The following SAR1B variants were observed in gnomAD, a reference collection of about 807,000 sequenced individuals.
The protein encoded by SAR1B is small COPII coat GTPase SAR1B.
In SAR1B, 23 loss-of-function variants were observed where a neutral mutation model predicts 26.8. The observed-to-expected ratio is 0.86, with a 90% CI of 0.62 to 1.22. SAR1B has a LOEUF of 1.22. Ranked by LOEUF, SAR1B falls within the 50% of genes most tolerant of loss-of-function variation. The pLI is 0.00. For synonymous variants in SAR1B, 65 were observed against 80.8 expected (o/e 0.80, Z 1.05); for missense variants, 196 against 232.8 (o/e 0.84, Z 1.03).
rs543209642 is a variant in SAR1B at position 134,622,169 on chromosome 5, A to T, written c.59-1117T>A. On this transcript the variant is annotated intron_variant, in intron 2 of 6. Coordinates refer to ENST00000402673, the MANE Select transcript of SAR1B (RefSeq NM_016103.4). Reference sequence around the variant, plus strand: ...TTTTTGAATAGATTCATACTAAAATAACACTTACTCCTTTGTCCATGCTTA... The same window carrying T: ...TTTTTGAATAGATTCATACTAAAATTACACTTACTCCTTTGTCCATGCTTA... Among the ~76,000 whole-genome samples, 19 of 152,326 alleles carry T rather than the reference A, an allele frequency of 1.2e-4. No homozygotes were observed. In the South Asian group the frequency reaches 3.3e-3, roughly 27 times the overall value.
intron 3 of SAR1B, among the ~76,000 whole-genome samples, chr5:134,615,068 G>GC (rs1468875551): frequency 6.6e-6 from 1 of 152,222 alleles, no homozygotes; most frequent in African/African-American, 2.4e-5. Context: ...AATTCTGGGG[G>GC]CCGGGCGCGG....
At chr5:134,630,095 T>G (rs543478919) in intron 1 of SAR1B, among the ~76,000 whole-genome samples, 163 of 150,606 alleles carry the variant, frequency 1.1e-3, no homozygotes, top group African/African-American at 3.8e-3. Context: ...AAACCCCGAG[T>G]TGGGATGAGT....
rs1397443364 is a variant in SAR1B, at chr5:134,603,983, C to G, written c.*2967G>C. On this transcript the variant is annotated 3_prime_UTR_variant, in exon 7 of 7. Coordinates refer to ENST00000402673, the MANE Select transcript of SAR1B (RefSeq NM_016103.4). ...TCTGTGTTCATATATCTTTGGCACT[C>G]ATACAAAGATACTGGTTTAAACCAA... 1.3e-5 allele frequency: 2 copies of G among 152,190 alleles called. No individual in the cohort carries two copies. Among genetic ancestry groups the G allele is most frequent in the Non-Finnish European group, 2.9e-5 (2 of 68,044 alleles). The allele number at this position is 152,190 out of a possible 1,614,324, so 9.4% of individuals were successfully genotyped here. A position where few individuals can be genotyped will look rare whatever the true frequency, so the allele number is the denominator to read the frequency against.
intron 3 of SAR1B, among the ~76,000 whole-genome samples, chr5:134,615,347 CAAA>C (rs1169325540): frequency 2.3e-5 from 2 of 87,740 alleles, no homozygotes; most frequent in Non-Finnish European, 2.4e-5. Flanking sequence ...GACTCCATCT[CAAA>C]AAAAAAAAAA....
At chr5:134,609,814 C>T (rs544607248) in intron 4 of SAR1B, 140 bp from the exon 5 acceptor site, 8 of 713,496 alleles carry the variant, frequency 1.1e-5, no homozygotes, top group East Asian at 5.4e-5. Flanking sequence ...TAATCTTTTA[C>T]CCAGTGGTGC....
At chr5:134,615,729 A>C (rs1003628476) in intron 3 of SAR1B, among the ~76,000 whole-genome samples, 23 of 151,680 alleles carry the variant, frequency 1.5e-4, no homozygotes, top group Non-Finnish European at 2.9e-4. Context: ...AGGCAGGAGA[A>C]TGGCATGAAC....
intron 1 of SAR1B, chr5:134,625,914 C>G (rs558143933): frequency 9.1e-4 from 138 of 152,174 alleles, no homozygotes; most frequent in African/African-American, 3.2e-3. Context: ...AGGATGGTAC[C>G]AATTTGCTGT....
Position 134,621,067 on chromosome 5 carries a change from C to T in SAR1B, c.59-15G>A, listed in dbSNP as rs756737920. The T allele has an allele frequency of 6.2e-7, 1 of 1,612,290 alleles. No homozygotes were observed. Among genetic ancestry groups the T allele is most frequent in the South Asian group, 1.1e-5 (1 of 91,042 alleles). ...CTTATATAATCCTGCAAAGCAAGAG[C>T]TATGATTGGTCAAAGTGATATCTGA... On this transcript the variant is annotated splice_polypyrimidine_tract_variant and intron_variant, in intron 2 of 6. Coordinates refer to ENST00000402673, the MANE Select transcript of SAR1B (RefSeq NM_016103.4).
At chr5:134,624,068 AACATTAAACACCAATAT>A in intron 1 of SAR1B, 31 bp from the exon 2 acceptor site, 2 of 1,189,912 alleles carry the variant, frequency 1.7e-6, no homozygotes, top group Non-Finnish European at 2.5e-6. Flanking sequence ...TTTAGTAGTC[AACATTAAACACCAATAT>A]ACATTAAACT....
At chr5:134,618,968 AG>A (rs1346245478) in intron 3 of SAR1B, among the ~76,000 whole-genome samples, 1 of 151,534 alleles carries the variant, frequency 6.6e-6, no homozygotes, top group Non-Finnish European at 1.5e-5. Flanking sequence ...ACTGCACTTC[AG>A]CCTAGGCAAC....
intron 3 of SAR1B, among the ~76,000 whole-genome samples, chr5:134,619,974 C>T (rs1765378079): frequency 6.6e-6 from 1 of 152,004 alleles, no homozygotes; most frequent in Admixed American, 6.6e-5. Flanking sequence ...GAGCAAGACC[C>T]TGTCTCTACA....
chr5:134,609,209 A>G (rs1439498083), intron 5 of SAR1B: 7 of 425,598 alleles, frequency 1.6e-5, no homozygotes, highest in Admixed American at 2.8e-5. Context: ...GGCATGTCCT[A>G]TCATTTCCAG....
chr5:134,613,482 C>T (rs1454550911), intron 3 of SAR1B: 1 of 152,166 alleles, frequency 6.6e-6, no homozygotes, highest in African/African-American at 2.4e-5. Context: ...TACAATAATA[C>T]TTTTTTGTAA....
rs1379923387 is a variant in SAR1B at position 134,621,063 on chromosome 5, A to AG, written c.59-12dup. 1.9e-6 allele frequency: 3 copies of AG among 1,612,756 alleles called. No homozygotes were observed. The highest frequency in any genetic ancestry group is 2.2e-5 in the South Asian group (2 of 91,070). ...TTTTCTTATATAATCCTGCAAAGCAAGAGCTATGATTGGTCAAAGTGATAT... is the reference window on the plus strand; with the variant it reads ...TTTTCTTATATAATCCTGCAAAGCAAGGAGCTATGATTGGTCAAAGTGATAT... On this transcript the variant is annotated splice_polypyrimidine_tract_variant and intron_variant, in intron 2 of 6. Transcript: ENST00000402673.
Position 134,602,420 on chromosome 5 carries a change from G to T in SAR1B, c.*4530C>A, listed in dbSNP as rs1765048874. ...TGGGTGGGGATTTGTGAGGGGGAAT[G>T]GTAACAGGGTTCAGAAGTGGAAACA... is the stretch of plus-strand genomic sequence containing the variant. On this transcript the variant is annotated 3_prime_UTR_variant, in exon 7 of 7. Transcript: ENST00000402673. The T allele has an allele frequency of 6.6e-6, 1 of 152,192 alleles. No homozygotes were observed. Among genetic ancestry groups the T allele is most frequent in the Non-Finnish European group, 1.5e-5 (1 of 68,044 alleles). 9.4% of individuals were successfully genotyped at this position (152,192 alleles called of 1,614,324 possible).
In SAR1B at chr5:134,612,673, A is replaced by AAAAAAAAAT; in HGVS notation, c.244+17_244+18insATTTTTTTT. On this transcript the variant is annotated intron_variant, in intron 4 of 6. Coordinates refer to ENST00000402673, the MANE Select transcript of SAR1B (RefSeq NM_016103.4). ...AAAAAAAAAAAAAAAAAAAAAAAAA[A>AAAAAAAAAT]AAAAAAAAGAATCTTACCTTGAACA... 1 of 1,091,124 alleles carries AAAAAAAAAT rather than the reference A, an allele frequency of 9.2e-7. No homozygotes were observed. The highest frequency in any genetic ancestry group is 1.3e-6 in the Non-Finnish European group (1 of 792,568). 67.6% of individuals were successfully genotyped at this position (1,091,124 alleles called of 1,614,324 possible). A position where few individuals can be genotyped will look rare whatever the true frequency, so the allele number is the denominator to read the frequency against.
At chr5:134,627,497 C>G (rs1765513420) in intron 1 of SAR1B, among the ~76,000 whole-genome samples, 1 of 151,840 alleles carries the variant, frequency 6.6e-6, no homozygotes. Flanking sequence ...CTATGCCTGG[C>G]TCATTTACTT....
In SAR1B at chr5:134,605,659, C is replaced by CAAAAAAAAAAA. The variant is rs1026047463; in HGVS notation, c.*1280_*1290dup. ...GTCTCTAAAACAAAATGAAACAGAGCAAAAAAAAAAAAAAAAAAAAAGCCC... is the reference window on the plus strand; with the variant it reads ...GTCTCTAAAACAAAATGAAACAGAGCAAAAAAAAAAAAAAAAAAAAAAAAAAAAAAAAGCCC... On this transcript the variant is annotated 3_prime_UTR_variant, in exon 7 of 7. Coordinates refer to ENST00000402673, the MANE Select transcript of SAR1B (RefSeq NM_016103.4). 1 of 35,024 alleles carries CAAAAAAAAAAA rather than the reference C, an allele frequency of 2.9e-5. No homozygotes were observed. The highest frequency in any genetic ancestry group is 9.2e-4 in the East Asian group (1 of 1,090). 2.2% of individuals were successfully genotyped at this position (35,024 alleles called of 1,614,324 possible). A position where few individuals can be genotyped will look rare whatever the true frequency, so the allele number is the denominator to read the frequency against.
intron 1 of SAR1B, among the ~76,000 whole-genome samples, chr5:134,628,707 T>C (rs911791006): frequency 2.7e-4 from 41 of 151,772 alleles, no homozygotes; most frequent in African/African-American, 8.9e-4. Context: ...CAGGCTGGAG[T>C]GCAGTGGCAC....
Sources: gnomAD v4.1 joint callset for allele counts (sites outside exome capture counted in the v4.1 genomes callset) on GRCh38, gnomAD v4.1.1 for gene constraint, MANE v1.5 for transcripts, NCBI Gene and HGNC (gene_info 2026-07-23, HGNC 2026-07-21) for gene names.